The following MKLN1 variants were observed in gnomAD, a reference collection of about 807,000 sequenced individuals.
MKLN1 encodes muskelin.
A neutral mutation model predicts 99.0 loss-of-function variants in MKLN1; 18 were observed. The observed-to-expected ratio is 0.18, with a 90% CI of 0.13 to 0.27. The LOEUF is 0.27. Ranked by LOEUF, MKLN1 falls within the 10% of genes least tolerant of loss-of-function variation. MKLN1 has a pLI of 1.00. For synonymous variants in MKLN1, 288 were observed against 293.2 expected (o/e 0.98, Z 0.18); for missense variants, 621 against 875.9 (o/e 0.71, Z 3.67).
intron 2 of MKLN1, among the ~76,000 whole-genome samples, chr7:131,179,511 G>A (rs1311558126): frequency 1.3e-5 from 2 of 151,996 alleles, no homozygotes; most frequent in African/African-American, 4.8e-5. Flanking sequence ...ACTGTAATAC[G>A]CTTTGTGGCT....
intron 17 of MKLN1, among the ~76,000 whole-genome samples, chr7:131,486,836 G>GA (rs1419968499): frequency 6.6e-6 from 1 of 152,140 alleles, no homozygotes; most frequent in African/African-American, 2.4e-5. Flanking sequence ...CTTGATAATT[G>GA]AATGTTTATT....
intron 3 of MKLN1, among the ~76,000 whole-genome samples, chr7:131,262,906 A>G (rs1012327539): frequency 2.3e-4 from 35 of 151,932 alleles, no homozygotes; most frequent in African/African-American, 8.5e-4. Flanking sequence ...ACACTCACAT[A>G]CATTTTTTTT....
rs1024126096 is a variant in MKLN1 at position 131,494,938 on chromosome 7, C to A, written c.*7210C>A. 2 of 151,640 alleles carry A rather than the reference C, an allele frequency of 1.3e-5. No homozygotes were observed. Among genetic ancestry groups the A allele is most frequent in the African/African-American group, 4.8e-5 (2 of 41,418 alleles). The allele number at this position is 151,640 out of a possible 1,614,324, so 9.4% of individuals were successfully genotyped here. ...ATATACATACATACACATACACATA[C>A]ATTTTTAAAATGCTCTTTTTAAAGA... On this transcript the variant is annotated 3_prime_UTR_variant, in exon 18 of 18. Coordinates refer to ENST00000352689, the MANE Select transcript of MKLN1 (RefSeq NM_013255.5).
chr7:131,270,927 A>G (rs1452077209), intron 3 of MKLN1, among the ~76,000 whole-genome samples: 1 of 151,442 alleles, frequency 6.6e-6, no homozygotes, highest in Non-Finnish European at 1.5e-5. Flanking sequence ...TAGGATAATC[A>G]TTCATTGATT....
chr7:131,381,192 T>C (rs1404560171), intron 2 of MKLN1, among the ~76,000 whole-genome samples: 1 of 152,202 alleles, frequency 6.6e-6, no homozygotes, highest in Admixed American at 6.5e-5. Context: ...AAGCTTATAA[T>C]TGCAGTAAAG....
chr7:131,417,834 C>T (rs924961908), intron 8 of MKLN1, among the ~76,000 whole-genome samples: 11 of 152,050 alleles, frequency 7.2e-5, no homozygotes, highest in Admixed American at 7.2e-4. Context: ...ACGTTAGTTA[C>T]GTCTGGTGGT....
chr7:131,449,295 A>C (rs1250194991), intron 12 of MKLN1, among the ~76,000 whole-genome samples: 1 of 152,224 alleles, frequency 6.6e-6, no homozygotes, highest in Non-Finnish European at 1.5e-5. Context: ...AGAGCTACGG[A>C]GATAAGAGTC....
intron 1 of MKLN1, among the ~76,000 whole-genome samples, chr7:131,350,276 G>C (rs1385572601): frequency 6.7e-6 from 1 of 148,868 alleles, no homozygotes; most frequent in Non-Finnish European, 1.5e-5. Context: ...GCCCAAGCTA[G>C]TCTCAAACTC....
Position 131,444,772 on chromosome 7 carries a change from T to A in MKLN1, c.1396-1002T>A, listed in dbSNP as rs1369639254. ...GTAGTAGTAGTAGAAGAAGTAGTAGTAGTAGTAGTAGTAGTAGTAGTAGTA... is the reference window on the plus strand; with the variant it reads ...GTAGTAGTAGTAGAAGAAGTAGTAGAAGTAGTAGTAGTAGTAGTAGTAGTA... On this transcript the variant is annotated intron_variant, in intron 11 of 17. Transcript: ENST00000352689. 5.1e-3 allele frequency among the ~76,000 whole-genome samples: 527 copies of A among 103,336 alleles called. 5 individuals carry two copies. The highest frequency in any genetic ancestry group is 0.033 in the Middle Eastern group (6 of 184). 67.8% of individuals were successfully genotyped at this position (103,336 alleles called of 152,430 possible).
At chr7:131,200,029 G>C (rs1796704670) in intron 2 of MKLN1, among the ~76,000 whole-genome samples, 1 of 151,696 alleles carries the variant, frequency 6.6e-6, no homozygotes, top group African/African-American at 2.4e-5. Flanking sequence ...GCTTTTTTTT[G>C]AGATGAGGTC....
chr7:131,175,068 ATGGATG>A (rs2116343486), intron 2 of MKLN1, among the ~76,000 whole-genome samples: 1 of 120,436 alleles, frequency 8.3e-6, no homozygotes, highest in East Asian at 3.0e-4. Context: ...GGATGGATGG[ATGGATG>A]GATGGGGAGA....
At chr7:131,455,934 T>C (rs935456858) in intron 12 of MKLN1, among the ~76,000 whole-genome samples, 3 of 152,118 alleles carry the variant, frequency 2.0e-5, no homozygotes, top group African/African-American at 7.2e-5. Context: ...TTGTCCCACC[T>C]ACTCAGGAGG....
At chr7:131,360,554 A>G (rs1019184748) in intron 1 of MKLN1, among the ~76,000 whole-genome samples, 4 of 152,186 alleles carry the variant, frequency 2.6e-5, no homozygotes, top group African/African-American at 7.2e-5. Flanking sequence ...TTCATGTGCC[A>G]TGTACCTAAT....
At chr7:131,416,043 G>A (rs1196853049) in intron 8 of MKLN1, among the ~76,000 whole-genome samples, 1 of 152,014 alleles carries the variant, frequency 6.6e-6, no homozygotes, top group African/African-American at 2.4e-5. Context: ...CAGTCCGCCT[G>A]CTGCAACCTC....
chr7:131,252,176 C>A (rs149657844), intron 3 of MKLN1, among the ~76,000 whole-genome samples: 1 of 152,042 alleles, frequency 6.6e-6, no homozygotes, highest in Non-Finnish European at 1.5e-5. Flanking sequence ...CCCAAAAGCC[C>A]GGACAGATAC....
intron 1 of MKLN1, among the ~76,000 whole-genome samples, chr7:131,358,375 A>G (rs995465364): frequency 2.0e-5 from 3 of 152,168 alleles, no homozygotes; most frequent in East Asian, 1.9e-4. Flanking sequence ...ATAGCCCTGT[A>G]ATAAGTACGT....
chr7:131,366,462 T>G (rs1290553153), intron 1 of MKLN1, among the ~76,000 whole-genome samples: 1 of 152,182 alleles, frequency 6.6e-6, no homozygotes, highest in African/African-American at 2.4e-5. Flanking sequence ...AGAAAAAATG[T>G]TAAATGCTCA....
rs996068577 is a variant in MKLN1, at chr7:131,476,158, A to G, written c.2032-2465A>G. On this transcript the variant is annotated intron_variant, in intron 16 of 17. Transcript: ENST00000352689. ...GAATAAAAAGAAACTTCTTGAATCT[A>G]AATTCCTAAAGGACACCTGTGAAAA... is the stretch of plus-strand genomic sequence containing the variant. Among the ~76,000 whole-genome samples, 2 of 152,318 alleles carry G rather than the reference A, an allele frequency of 1.3e-5. 1 individual carries two copies. Among genetic ancestry groups the G allele is most frequent in the Admixed American group, 1.3e-4 (2 of 15,302 alleles).
chr7:131,191,397 C>T (rs1412203787), intron 2 of MKLN1, among the ~76,000 whole-genome samples: 1 of 152,186 alleles, frequency 6.6e-6, no homozygotes, highest in African/African-American at 2.4e-5. Context: ...GAGTGATTCT[C>T]CAGTGTTGTG....
Sources: gnomAD v4.1 joint callset for allele counts (sites outside exome capture counted in the v4.1 genomes callset) on GRCh38, gnomAD v4.1.1 for gene constraint, MANE v1.5 for transcripts, NCBI Gene and HGNC (gene_info 2026-07-23, HGNC 2026-07-21) for gene names.